Variants in UMOD observed in about 807,000 individuals in gnomAD.
UMOD encodes the protein Tamm-Horsfall urinary glycoprotein.
Under a neutral mutation model 66.0 loss-of-function variants are expected in UMOD, and 64 were observed. The observed-to-expected ratio is 0.97, with a 90% CI of 0.79 to 1.19. The LOEUF (loss-of-function observed/expected upper bound fraction) is 1.19. Ranked by LOEUF, UMOD falls within the 50% of genes most tolerant of loss-of-function variation. The pLI, the probability that UMOD is intolerant of heterozygous loss-of-function variation, is 0.00. For synonymous variants in UMOD, 398 were observed against 352.7 expected (o/e 1.13, Z -1.44); for missense variants, 764 against 850.9 (o/e 0.90, Z 1.27).
chr16:20,344,388 A>G (rs1329464781), intron 5 of UMOD, among the ~76,000 whole-genome samples: 1 of 152,058 alleles, frequency 6.6e-6, no homozygotes, highest in African/African-American at 2.4e-5. Context: ...GGATCACCTG[A>G]GGTCAGGAGT....
rs1964682506 is a variant in UMOD at position 20,333,127 on chromosome 16, T to G, written c.*187A>C. ...CAGGTACACCGTCACAAGTCCCATT[T>G]TGAGAAAAAGCAGCATTTAAAGACA... On this transcript the variant is annotated 3_prime_UTR_variant, in exon 11 of 11. Transcript: ENST00000396138. The G allele has an allele frequency of 1.5e-6, 1 of 654,322 alleles. No individual in the cohort carries two copies. The highest frequency in any genetic ancestry group is 2.8e-6 in the Non-Finnish European group (1 of 359,422). 40.5% of individuals were successfully genotyped at this position (654,322 alleles called of 1,614,324 possible).
In UMOD at chr16:20,346,246, G is replaced by A. The variant is rs78613713; in HGVS notation, c.1062C>T (p.Phe354=). ...LGKCQLKSLG[F]DKVFMYLSDS... ...CACTCAGGTACATGAAGACCTTGTC[G>A]AAGCCCAGACTCTTCAGCTGGCACT... The change falls in exon 5 of 11, where the codon TTC becomes TTT. Residue 354 remains phenylalanine, a synonymous_variant. Coordinates refer to ENST00000396138, the MANE Select transcript of UMOD (RefSeq NM_003361.4). 974 of 1,614,248 alleles carry A rather than the reference G, an allele frequency of 6.0e-4. 5 individuals carry two copies. The African/African-American group carries it at 0.011, about 19-fold the overall frequency.
In UMOD at chr16:20,337,288, C is replaced by T. The variant is rs762216533; in HGVS notation, c.1740+3G>A. On this transcript the variant is annotated splice_donor_region_variant and intron_variant, in intron 8 of 10. Coordinates refer to ENST00000396138, the MANE Select transcript of UMOD (RefSeq NM_003361.4). The stretch of plus-strand genomic sequence containing the variant: ...ATGGGCTGGGGGAGGGGAGTCAACT[C>T]ACAGGCTTGCACTTTTCATTCATGG... 9.3e-6 allele frequency: 15 copies of T among 1,614,022 alleles called. No homozygotes were observed. In the East Asian group the frequency reaches 3.1e-4, roughly 34 times the overall value.
At chr16:20,345,502 CCCTTCCTTCCTT>C (rs1228147595) in intron 5 of UMOD, among the ~76,000 whole-genome samples, 8 of 53,044 alleles carry the variant, frequency 1.5e-4, no homozygotes, top group African/African-American at 5.7e-4. Context: ...CTCCCTCCCT[CCCTTCCTTCCTT>C]CCTTCCTTCC....
chr16:20,342,170 C>A (rs1180238980), intron 6 of UMOD, among the ~76,000 whole-genome samples: 2 of 152,162 alleles, frequency 1.3e-5, no homozygotes, highest in African/African-American at 2.4e-5. Context: ...TGTAACAAGA[C>A]CCTGTCTCTA....
Position 20,348,520 on chromosome 16 carries a change from A to G in UMOD, c.781T>C (p.Ser261Pro). The part of the protein sequence containing the change: ...WSGHCCLWDA[S>P]VQVKACAGGY... ...CCGGCACAGGCCTTCACCTGGACGG[A>G]CGCATCCCACAGGCAGCAGTGGCCG... The change falls in exon 3 of 11, where the codon TCC becomes CCC. Residue 261 changes from serine to proline, a missense_variant. Coordinates refer to ENST00000396138, the MANE Select transcript of UMOD (RefSeq NM_003361.4). 6 of 1,607,032 alleles carry G rather than the reference A, an allele frequency of 3.7e-6. No homozygotes were observed. The highest frequency in any genetic ancestry group is 4.2e-6 in the Non-Finnish European group (5 of 1,178,978).
intron 8 of UMOD, among the ~76,000 whole-genome samples, chr16:20,337,075 A>G (rs1964915265): frequency 6.6e-6 from 1 of 152,234 alleles, no homozygotes; most frequent in African/African-American, 2.4e-5. Context: ...AAGCTTGCAG[A>G]TAAGCCAGAG....
At chr16:20,352,597 CCA>C (rs2141688359) in intron 1 of UMOD, 90 bp downstream of exon 1, 1 of 993,326 alleles carries the variant, frequency 1.0e-6, no homozygotes, top group African/African-American at 1.7e-5. Context: ...AGGTCTGACC[CCA>C]GTGTCCAAGG....
At chr16:20,351,036 T>A in intron 1 of UMOD, 197 bp from the exon 2 acceptor site, 1 of 445,374 alleles carries the variant, frequency 2.2e-6, no homozygotes, top group Non-Finnish European at 4.1e-6. Flanking sequence ...AACATCCCAG[T>A]CTTGGCTCCC....
At chr16:20,345,266 G>A (rs1423292016) in intron 5 of UMOD, among the ~76,000 whole-genome samples, 5 of 152,054 alleles carry the variant, frequency 3.3e-5, no homozygotes, top group Admixed American at 1.3e-4. Context: ...CACCCGCCTC[G>A]GCCCCCCAAA....
chr16:20,350,834 GGTGTCCT>G lies in UMOD; in HGVS notation c.-102-2_-98del, dbSNP rs1338715825. 1 of 1,573,590 alleles carries G rather than the reference GGTGTCCT, an allele frequency of 6.4e-7. No individual in the cohort carries two copies. Among genetic ancestry groups the G allele is most frequent in the African/African-American group, 1.3e-5 (1 of 74,512 alleles). ...ATTTTTCTCTCTGTCTCTGATGTCT[GGTGTCCT>G]GTGAACAGAGATGGATGGGACAAAT... is the stretch of plus-strand genomic sequence containing the variant. On this transcript the variant is annotated splice_acceptor_variant and 5_prime_UTR_variant, in exon 2 of 11. Coordinates refer to ENST00000396138, the MANE Select transcript of UMOD (RefSeq NM_003361.4). LOFTEE classifies it low-confidence loss of function (5UTR_SPLICE).
chr16:20,348,299 C>G lies in UMOD; in HGVS notation c.897G>C (p.Glu299Asp). The change falls in exon 4 of 11, where the codon GAG becomes GAC. Residue 299 changes from glutamate to aspartate, a missense_variant. Glu to Asp is a conservative substitution (Grantham distance 45). Coordinates refer to ENST00000396138, the MANE Select transcript of UMOD (RefSeq NM_003361.4). ...DPSSVEGTCE[E>D]CSIDEDCKSN... ...ATTTGCAGTCCTCGTCTATACTGCA[C>G]TCCTCACACGTCCCCTCCACGGAGC... 6.2e-7 allele frequency: 1 copy of G among 1,614,246 alleles called. No individual in the cohort carries two copies. Among genetic ancestry groups the G allele is most frequent in the South Asian group, 1.1e-5 (1 of 91,088 alleles).
intron 6 of UMOD, 61 bp downstream of exon 6, chr16:20,343,963 A>C: frequency 6.2e-7 from 1 of 1,601,534 alleles, no homozygotes; most frequent in East Asian, 2.2e-5. Flanking sequence ...AGGGAAGCTC[A>C]TGGTTAAGGG....
chr16:20,347,399 C>T (rs1256775905), intron 4 of UMOD, among the ~76,000 whole-genome samples: 1 of 152,110 alleles, frequency 6.6e-6, no homozygotes, highest in Non-Finnish European at 1.5e-5. Flanking sequence ...AGCCAGAATT[C>T]TTGTTTAATT....
Position 20,344,086 on chromosome 16 carries a change from A to C in UMOD, c.1269T>G (p.Phe423Leu). The C allele has an allele frequency of 6.2e-7, 1 of 1,613,876 alleles. No individual in the cohort carries two copies. Among genetic ancestry groups the C allele is most frequent in the African/African-American group, 1.3e-5 (1 of 74,962 alleles). Reference sequence around the variant, plus strand: ...TCATGTCCAGGGGGTAGGAGCATGCAAAGTTGATTTTGATGTTGAGGTCAC... The same window carrying C: ...TCATGTCCAGGGGGTAGGAGCATGCCAAGTTGATTTTGATGTTGAGGTCAC... ...IIRDLNIKIN[F>L]ACSYPLDMKV... Residue 423 changes from phenylalanine to leucine, a missense_variant, in exon 6 of 11, where the codon TTT becomes TTG. Phe to Leu is a conservative substitution (Grantham distance 22, BLOSUM62 0). Coordinates refer to ENST00000396138, the MANE Select transcript of UMOD (RefSeq NM_003361.4).
chr16:20,349,963 C>A, intron 2 of UMOD: 1 of 1,364,238 alleles, frequency 7.3e-7, no homozygotes, highest in Non-Finnish European at 9.7e-7. Flanking sequence ...ACTTTTCACT[C>A]ACTATCTTGT....
Position 20,337,293 on chromosome 16 carries a change from G to C in UMOD, c.1738C>G (p.Pro580Ala). 1 of 1,614,154 alleles carries C rather than the reference G, an allele frequency of 6.2e-7. No individual in the cohort carries two copies. Among genetic ancestry groups the C allele is most frequent in the Non-Finnish European group, 8.5e-7 (1 of 1,180,034 alleles). Residue 580 changes from proline to alanine, a missense_variant and splice_region_variant, in exon 8 of 11, where the codon CCT becomes GCT. Physicochemically the swap from Pro to Ala is conservative, Grantham distance 27. Coordinates refer to ENST00000396138, the MANE Select transcript of UMOD (RefSeq NM_003361.4). ...CTGGGGGAGGGGAGTCAACTCACAGGCTTGCACTTTTCATTCATGGTGTCA... is the reference window on the plus strand; with the variant it reads ...CTGGGGGAGGGGAGTCAACTCACAGCCTTGCACTTTTCATTCATGGTGTCA... ...LCDTMNEKCK[P>A]TCSGTRFRSG...
At chr16:20,336,507 C>G in intron 9 of UMOD, 139 bp downstream of exon 9, 1 of 757,198 alleles carries the variant, frequency 1.3e-6, no homozygotes. Flanking sequence ...AGTCTGTATT[C>G]CACCTTGCCC....
intron 10 of UMOD, among the ~76,000 whole-genome samples, chr16:20,335,159 G>C (rs887351148): frequency 6.6e-6 from 1 of 152,162 alleles, no homozygotes; most frequent in African/African-American, 2.4e-5. Flanking sequence ...CTAGAAAAAA[G>C]TGTTAGAGAG....
Sources: gnomAD v4.1 joint callset for allele counts (sites outside exome capture counted in the v4.1 genomes callset) on GRCh38, gnomAD v4.1.1 for gene constraint, MANE v1.5 for transcripts, NCBI Gene and HGNC (gene_info 2026-07-23, HGNC 2026-07-21) for gene names.